The following TIMM50 variants were observed in gnomAD, a reference collection of about 807,000 sequenced individuals.
TIMM50 encodes mitochondrial import inner membrane translocase subunit TIM50.
Under a neutral mutation model 49.6 loss-of-function variants are expected in TIMM50, and 34 were observed. The ratio of observed to expected loss-of-function variants is 0.69; its 90% CI spans 0.52 to 0.91. TIMM50 has a LOEUF of 0.91. Among genes scored for constraint, TIMM50 ranks in the 40% least tolerant of loss-of-function variants. The pLI is 0.00. For synonymous variants in TIMM50, 199 were observed against 198.4 expected (o/e 1.00, Z -0.03); for missense variants, 458 against 477.8 (o/e 0.96, Z 0.39).
intron 4 of TIMM50, 162 bp downstream of exon 4, chr19:39,483,318 C>A: frequency 2.3e-6 from 2 of 856,800 alleles, no homozygotes; most frequent in Non-Finnish European, 3.7e-6. Context: ...CATTACAAAG[C>A]CCAAGCCCAC....
chr19:39,486,881 G>A (rs2079510941), intron 8 of TIMM50, among the ~76,000 whole-genome samples: 1 of 152,214 alleles, frequency 6.6e-6, no homozygotes, highest in Admixed American at 6.5e-5. Flanking sequence ...GGCCAGTGCT[G>A]TATTCAGGAG....
Position 39,488,446 on chromosome 19 carries a change from C to A in TIMM50, c.854-93C>A, listed in dbSNP as rs998324830. The stretch of plus-strand genomic sequence containing the variant: ...GAAGCATTCCAGGTAGCACTGACTG[C>A]CCCCGTGCCCCAGTGCGGGACGTTC... On this transcript the variant is annotated intron_variant, in intron 9 of 10. Coordinates refer to ENST00000607714, the MANE Select transcript of TIMM50 (RefSeq NM_001001563.5). 4 of 1,223,844 alleles carry A rather than the reference C, an allele frequency of 3.3e-6. No individual in the cohort carries two copies. In the African/African-American group the frequency reaches 6.0e-5, roughly 18 times the overall value. The allele number at this position is 1,223,844 out of a possible 1,614,324, so 75.8% of individuals were successfully genotyped here. A position where few individuals can be genotyped will look rare whatever the true frequency, so the allele number is the denominator to read the frequency against.
chr19:39,489,530 G>C (rs565273695), intron 10 of TIMM50, among the ~76,000 whole-genome samples, 189 bp from the exon 11 acceptor site: 10 of 152,026 alleles, frequency 6.6e-5, no homozygotes, highest in African/African-American at 2.2e-4. Flanking sequence ...TGTCTGGGGT[G>C]GGGGGACTGG....
At chr19:39,485,401 A>C in intron 4 of TIMM50, 143 bp from the exon 5 acceptor site, 1 of 895,138 alleles carries the variant, frequency 1.1e-6, no homozygotes, top group East Asian at 2.5e-5. Flanking sequence ...ATTGCCTTCT[A>C]TCTTTGGACC....
chr19:39,482,092 A>T, intron 2 of TIMM50, 59 bp downstream of exon 2: 1 of 1,583,012 alleles, frequency 6.3e-7, no homozygotes, highest in South Asian at 1.1e-5. Flanking sequence ...TCCACTGTGG[A>T]ACCTCCCACT....
At chr19:39,483,704 G>A (rs1359413076) in intron 4 of TIMM50, among the ~76,000 whole-genome samples, 1 of 152,206 alleles carries the variant, frequency 6.6e-6, no homozygotes, top group African/African-American at 2.4e-5. Context: ...AAACAGTCAT[G>A]TTAATACATT....
chr19:39,489,736 G>C lies in TIMM50; in HGVS notation c.978G>C (p.Leu326=), dbSNP rs1336941519. The C allele has an allele frequency of 1.2e-6, 2 of 1,608,868 alleles. No individual in the cohort carries two copies. The highest frequency in any genetic ancestry group is 2.7e-5 in the African/African-American group (2 of 74,990). ...TACCCCAGGAGGAGCAGCAGCGCCT[G>C]GCCGAGCTCTCCAAGTCCAACAAGC... ...SRLEQEEQQR[L]AELSKSNKQN... is the part of the protein sequence containing the mutation. Residue 326 remains leucine (L), a synonymous_variant, in exon 11 of 11, where the codon CTG becomes CTC. Transcript: ENST00000607714.
chr19:39,488,380 G>GATACTTGGGGATGTTCA (rs2079521728), intron 9 of TIMM50, among the ~76,000 whole-genome samples, 159 bp from the exon 10 acceptor site: 1 of 152,214 alleles, frequency 6.6e-6, no homozygotes, highest in Non-Finnish European at 1.5e-5. Flanking sequence ...ATGTTTGGGG[G>GATACTTGGGGATGTTCA]ATACTTGGGG....
In TIMM50 at chr19:39,482,795, C is replaced by T. The variant is rs992857056; in HGVS notation, c.260-90C>T. On this transcript the variant is annotated intron_variant, in intron 2 of 10. Transcript: ENST00000607714. ...GCTGTGCCTCTCTCTTTCCTCAGATCCAGGAGTCCAGGCCCCTTATCCCAC... is the reference window on the plus strand; with the variant it reads ...GCTGTGCCTCTCTCTTTCCTCAGATTCAGGAGTCCAGGCCCCTTATCCCAC... 1.9e-6 allele frequency: 3 copies of T among 1,560,712 alleles called. No homozygotes were observed. In the African/African-American group the frequency reaches 4.1e-5, roughly 21 times the overall value.
rs1475416892 is a variant in TIMM50 at position 39,492,883 on chromosome 19, A to ACAAAAAC, written c.*3063_*3064insCAAAAAC. 1 of 138,528 alleles carries ACAAAAAC rather than the reference A, an allele frequency of 7.2e-6. No individual in the cohort carries two copies. Among genetic ancestry groups the ACAAAAAC allele is most frequent in the African/African-American group, 2.8e-5 (1 of 35,692 alleles). The allele number at this position is 138,528 out of a possible 1,614,324, so 8.6% of individuals were successfully genotyped here. On this transcript the variant is annotated 3_prime_UTR_variant, in exon 11 of 11. Coordinates refer to ENST00000607714, the MANE Select transcript of TIMM50 (RefSeq NM_001001563.5). Reference sequence around the variant, plus strand: ...AAGGCTCTGTCTCCAAAAAAAAAAAAAAAAAAAAACAAAAAAAAAACCAGT... The same window carrying ACAAAAAC: ...AAGGCTCTGTCTCCAAAAAAAAAAAACAAAAACAAAAAAAAACAAAAAAAAAACCAGT...
chr19:39,484,268 G>T (rs1395984077), intron 4 of TIMM50, among the ~76,000 whole-genome samples: 1 of 152,124 alleles, frequency 6.6e-6, no homozygotes, highest in African/African-American at 2.4e-5. Context: ...GCCGGGAGTG[G>T]TGGCCTGTGC....
rs1360202352 is a variant in TIMM50, at chr19:39,485,723, A to G, written c.408A>G (p.Pro136=). ...AGCCCACCAGCCCTTGCCTTCTCCCAGACCCTCTGCAGGAACCGTACTACC... is the reference window on the plus strand; with the variant it reads ...AGCCCACCAGCCCTTGCCTTCTCCCGGACCCTCTGCAGGAACCGTACTACC... ...IIEPTSPCLL[P]DPLQEPYYQP... The change falls in exon 6 of 11, where the codon CCA becomes CCG. Residue 136 remains proline (P), a synonymous_variant. Coordinates refer to ENST00000607714, the MANE Select transcript of TIMM50 (RefSeq NM_001001563.5). 1 of 1,614,066 alleles carries G rather than the reference A, an allele frequency of 6.2e-7. No homozygotes were observed. The highest frequency in any genetic ancestry group is 8.5e-7 in the Non-Finnish European group (1 of 1,180,004).
At chr19:39,482,811 C>T in intron 2 of TIMM50, 74 bp from the exon 3 acceptor site, 2 of 1,603,414 alleles carry the variant, frequency 1.2e-6, no homozygotes, top group African/African-American at 1.3e-5. Flanking sequence ...GTCCAGGCCC[C>T]TTATCCCACT....
intron 6 of TIMM50, 64 bp downstream of exon 6, chr19:39,485,871 A>G: frequency 1.9e-6 from 3 of 1,599,566 alleles, no homozygotes; most frequent in Non-Finnish European, 2.6e-6. Context: ...GATGAGGTGG[A>G]CTTTCAGCCC....
intron 4 of TIMM50, among the ~76,000 whole-genome samples, chr19:39,484,681 G>A (rs1459796236): frequency 6.6e-6 from 1 of 152,162 alleles, no homozygotes; most frequent in Non-Finnish European, 1.5e-5. Context: ...GTATATGGAT[G>A]TGTTTATATA....
intron 10 of TIMM50, 100 bp from the exon 11 acceptor site, chr19:39,489,618 GA>G: frequency 8.6e-7 from 1 of 1,159,084 alleles, no homozygotes; most frequent in Middle Eastern, 2.8e-4. Flanking sequence ...AAGTCAGAAG[GA>G]AAGGTGGTCC....
At chr19:39,488,009 A>T (rs1015930661) in intron 8 of TIMM50, 52 bp from the exon 9 acceptor site, 4 of 1,569,694 alleles carry the variant, frequency 2.5e-6, no homozygotes, top group Non-Finnish European at 3.5e-6. Context: ...GGTCTTCTTG[A>T]TGGGGGGAGA....
intron 10 of TIMM50, among the ~76,000 whole-genome samples, 165 bp downstream of exon 10, chr19:39,488,810 G>A (rs1007533189): frequency 5.3e-5 from 8 of 152,206 alleles, no homozygotes; most frequent in African/African-American, 1.7e-4. Context: ...AGCCTGTCCT[G>A]TAGGGCTGCC....
In TIMM50 at chr19:39,491,798, G is replaced by A. The variant is rs2079546832; in HGVS notation, c.*1978G>A. On this transcript the variant is annotated 3_prime_UTR_variant, in exon 11 of 11. Coordinates refer to ENST00000607714, the MANE Select transcript of TIMM50 (RefSeq NM_001001563.5). ...TCTGTGATCGTGCCGCTAAATTCTA[G>A]CCTGGGCAACAGAGCGAGACCCTGT... The A allele has an allele frequency of 7.8e-6, 1 of 127,448 alleles. No homozygotes were observed. The highest frequency in any genetic ancestry group is 2.6e-4 in the South Asian group (1 of 3,884). 7.9% of individuals were successfully genotyped at this position (127,448 alleles called of 1,614,324 possible).
Sources: gnomAD v4.1 joint callset for allele counts (sites outside exome capture counted in the v4.1 genomes callset) on GRCh38, gnomAD v4.1.1 for gene constraint, MANE v1.5 for transcripts, NCBI Gene and HGNC (gene_info 2026-07-23, HGNC 2026-07-21) for gene names.